The following AMOTL1 variants were observed in gnomAD, a reference collection of about 807,000 sequenced individuals.
The protein encoded by AMOTL1 is angiomotin like 1, also known as angiomotin-like protein 1.
AMOTL1 carries 45 observed loss-of-function variants against 102.9 expected under a neutral mutation model. The observed-to-expected ratio is 0.44, with a 90% CI of 0.34 to 0.56. The LOEUF (loss-of-function observed/expected upper bound fraction) is 0.56, where lower values mean the gene tolerates loss of function less well. AMOTL1 is among the 20% of genes least tolerant of loss of function. The pLI, the probability that AMOTL1 is intolerant of heterozygous loss-of-function variation, is 0.01. For synonymous variants in AMOTL1, 481 were observed against 484.7 expected (o/e 0.99, Z 0.10); for missense variants, 1,114 against 1,225.6 (o/e 0.91, Z 1.36).
chr11:94,843,984 C>A (rs1301369898), intron 6 of AMOTL1, among the ~76,000 whole-genome samples: 1 of 152,150 alleles, frequency 6.6e-6, no homozygotes, highest in Non-Finnish European at 1.5e-5. Flanking sequence ...ACATGGCTCC[C>A]ATCAGTCTCC....
In AMOTL1 at chr11:94,870,845, C is replaced by A; in HGVS notation, c.*50C>A. 6.9e-7 allele frequency: 1 copy of A among 1,459,180 alleles called. No homozygotes were observed. 90.4% of individuals were successfully genotyped at this position (1,459,180 alleles called of 1,614,324 possible). A position where few individuals can be genotyped will look rare whatever the true frequency, so the allele number is the denominator to read the frequency against. ...ACAGAACACTGACAAACAAGGAAAG[C>A]GGCAGAGAAAGAAGAAAGACCTAGA... On this transcript the variant is annotated 3_prime_UTR_variant, in exon 13 of 13. Coordinates refer to ENST00000433060, the MANE Select transcript of AMOTL1 (RefSeq NM_130847.3).
At chr11:94,785,699 A>G (rs1343162812) in intron 1 of AMOTL1, among the ~76,000 whole-genome samples, 1 of 152,190 alleles carries the variant, frequency 6.6e-6, no homozygotes, top group Non-Finnish European at 1.5e-5. Flanking sequence ...ATCTGCAACA[A>G]TACACACTAA....
In AMOTL1 at chr11:94,779,979, A is replaced by C. The variant is rs1195254674; in HGVS notation, c.49+11419A>C. Among the ~76,000 whole-genome samples, 8 of 152,310 alleles carry C rather than the reference A, an allele frequency of 5.3e-5. No individual in the cohort carries two copies. The South Asian group carries it at 1.5e-3, about 28-fold the overall frequency. Reference sequence around the variant, plus strand: ...TCCTGAAGGAATAGACTTTTTCTGCATTTTTGGTAGTAAAGAGTTTTTCCT... The same window carrying C: ...TCCTGAAGGAATAGACTTTTTCTGCCTTTTTGGTAGTAAAGAGTTTTTCCT... On this transcript the variant is annotated intron_variant, in intron 1 of 12. Coordinates refer to ENST00000433060, the MANE Select transcript of AMOTL1 (RefSeq NM_130847.3).
intron 6 of AMOTL1, among the ~76,000 whole-genome samples, chr11:94,842,691 T>G (rs562939748): frequency 7.2e-5 from 11 of 152,348 alleles, no homozygotes; most frequent in Admixed American, 1.3e-4. Flanking sequence ...ACTAGTAGCT[T>G]TCAAACTCAG....
At chr11:94,797,911 T>A (rs1951398375) in intron 2 of AMOTL1, among the ~76,000 whole-genome samples, 1 of 152,178 alleles carries the variant, frequency 6.6e-6, no homozygotes, top group African/African-American at 2.4e-5. Context: ...TTGAGGAATT[T>A]TGGTGCAGAG....
chr11:94,795,797 A>G (rs964784848), intron 2 of AMOTL1, among the ~76,000 whole-genome samples: 1 of 152,228 alleles, frequency 6.6e-6, no homozygotes, highest in East Asian at 1.9e-4. Flanking sequence ...TCCTTTGGAA[A>G]TATATTTTGA....
chr11:94,799,515 T>C lies in AMOTL1; in HGVS notation c.325T>C (p.Tyr109His). The C allele has an allele frequency of 6.2e-7, 1 of 1,613,048 alleles. No individual in the cohort carries two copies. The highest frequency in any genetic ancestry group is 8.5e-7 in the Non-Finnish European group (1 of 1,179,594). ...LQRLIQEQLR[Y>H]GTPTENMNLL... The stretch of plus-strand genomic sequence containing the variant: ...GCGGCTGATCCAGGAACAACTGCGG[T>C]ATGGCACCCCAACCGAGAACATGAA... Residue 109 changes from tyrosine to histidine, a missense_variant, in exon 3 of 13, where the codon TAT becomes CAT. Tyr to His is a moderately conservative substitution (Grantham distance 83). Coordinates refer to ENST00000433060, the MANE Select transcript of AMOTL1 (RefSeq NM_130847.3). The surrounding 1 kb of genome is among the most constrained non-coding windows in gnomAD (Gnocchi z 4.5).
intron 3 of AMOTL1, among the ~76,000 whole-genome samples, chr11:94,763,256 G>A (rs1162330085): frequency 6.6e-6 from 1 of 152,030 alleles, no homozygotes; most frequent in Non-Finnish European, 1.5e-5. Flanking sequence ...TCCTGACAAA[G>A]GCTCATCCCC....
At chr11:94,708,737 G>A (rs59977409) in intron 1 of AMOTL1, among the ~76,000 whole-genome samples, 3 of 152,128 alleles carry the variant, frequency 2.0e-5, no homozygotes, top group South Asian at 4.1e-4. Context: ...AAATACATGC[G>A]AACTCTCTTA....
intron 3 of AMOTL1, among the ~76,000 whole-genome samples, chr11:94,812,198 A>G (rs1166604396): frequency 6.6e-6 from 1 of 152,226 alleles, no homozygotes; most frequent in Non-Finnish European, 1.5e-5. Flanking sequence ...GAATCCCTTC[A>G]GGTTTCCAAT....
chr11:94,752,112 C>T (rs1230947639), intron 3 of AMOTL1, among the ~76,000 whole-genome samples: 1 of 152,102 alleles, frequency 6.6e-6, no homozygotes, highest in African/African-American at 2.4e-5. Context: ...TCAGTTTTGC[C>T]CAGTGTGGAC....
chr11:94,765,495 A>C (rs139485511), upstream of AMOTL1, among the ~76,000 whole-genome samples: 23 of 152,308 alleles, frequency 1.5e-4, no homozygotes, highest in African/African-American at 5.1e-4. Flanking sequence ...CATTTGATGT[A>C]GAGCTTATTC....
chr11:94,793,335 A>T (rs1951317034), intron 1 of AMOTL1, among the ~76,000 whole-genome samples: 1 of 152,148 alleles, frequency 6.6e-6, no homozygotes, highest in Non-Finnish European at 1.5e-5. Context: ...TTTGGGGTTT[A>T]GTTTTTCTGT....
At chr11:94,802,441 A>G (rs756170426) in intron 3 of AMOTL1, among the ~76,000 whole-genome samples, 5 of 152,220 alleles carry the variant, frequency 3.3e-5, no homozygotes, top group African/African-American at 4.8e-5. Flanking sequence ...GTAAAGTAAT[A>G]TGTACATACC....
chr11:94,808,965 C>CTTTTT lies in AMOTL1; in HGVS notation c.1121+8673_1121+8677dup, dbSNP rs199619372. On this transcript the variant is annotated intron_variant, in intron 3 of 12. Transcript: ENST00000433060. ...AGTCTCTAAATTCTTTTCTTTCTTT[C>CTTTTT]TTTTTTTTTTTTTTTTTTTTTTTGA... is the stretch of plus-strand genomic sequence containing the variant. 7.5e-3 allele frequency among the ~76,000 whole-genome samples: 837 copies of CTTTTT among 111,888 alleles called. 1 individual carries two copies. Among genetic ancestry groups the CTTTTT allele is most frequent in the Middle Eastern group, 0.011 (2 of 184 alleles). The allele number at this position is 111,888 out of a possible 152,430, so 73.4% of individuals were successfully genotyped here. A position where few individuals can be genotyped will look rare whatever the true frequency, so the allele number is the denominator to read the frequency against.
chr11:94,737,843 G>A (rs1388699911), intron 2 of AMOTL1, among the ~76,000 whole-genome samples: 1 of 152,248 alleles, frequency 6.6e-6, no homozygotes, highest in African/African-American at 2.4e-5. Flanking sequence ...GAGTGAGGTA[G>A]AAACCTATTT....
upstream of AMOTL1, among the ~76,000 whole-genome samples, chr11:94,765,887 T>C (rs1456407311): frequency 6.6e-6 from 1 of 152,208 alleles, no homozygotes; most frequent in African/African-American, 2.4e-5. Context: ...TGTCCTCCAC[T>C]TCTCACCCAG....
At chr11:94,759,404 A>G (rs1451583297) in intron 3 of AMOTL1, among the ~76,000 whole-genome samples, 2 of 152,172 alleles carry the variant, frequency 1.3e-5, no homozygotes, top group African/African-American at 4.8e-5. Flanking sequence ...TTTTACTTTT[A>G]CTTAAGCATT....
chr11:94,730,496 C>T (rs923238394), intron 2 of AMOTL1, among the ~76,000 whole-genome samples: 3 of 152,180 alleles, frequency 2.0e-5, no homozygotes, highest in African/African-American at 4.8e-5. Context: ...CTGCCATAGC[C>T]TCTGCAGATT....
Sources: gnomAD v4.1 joint callset for allele counts (sites outside exome capture counted in the v4.1 genomes callset) on GRCh38, gnomAD v4.1.1 for gene constraint, Gnocchi (gnomAD v3.1) non-coding constraint, MANE v1.5 for transcripts, NCBI Gene and HGNC (gene_info 2026-07-23, HGNC 2026-07-21) for gene names.